The following PHACTR3 variants were observed in gnomAD, a reference collection of about 807,000 sequenced individuals.
PHACTR3 encodes the protein phosphatase and actin regulator 3.
PHACTR3 carries 16 observed loss-of-function variants against 66.8 expected under a neutral mutation model. The ratio of observed to expected loss-of-function variants is 0.24; its 90% CI spans 0.16 to 0.36. The LOEUF (loss-of-function observed/expected upper bound fraction) is 0.36, where lower values mean the gene tolerates loss of function less well. Ranked by LOEUF, PHACTR3 falls within the 10% of genes least tolerant of loss-of-function variation. PHACTR3 has a pLI of 1.00. For missense variants in PHACTR3, 647 were observed against 719.9 expected (o/e 0.90, Z 1.16); for synonymous variants, 323 against 292.1 (o/e 1.11, Z -1.08).
At chr20:59,585,788 A>G (rs17455968) in intron 1 of PHACTR3, among the ~76,000 whole-genome samples, 16,066 of 152,200 alleles carry the variant, frequency 0.11, 1,104 homozygotes, top group South Asian at 0.17. Context: ...GAGTTCCTTT[A>G]AGTACTGTCG....
chr20:59,807,282 C>G (rs988844215), intron 8 of PHACTR3, among the ~76,000 whole-genome samples: 4 of 152,062 alleles, frequency 2.6e-5, no homozygotes, highest in South Asian at 2.1e-4. Flanking sequence ...AATTTTTTAA[C>G]TTTTTAAATG....
chr20:59,774,204 AG>A, intron 6 of PHACTR3, 38 bp from the exon 7 acceptor site: 1 of 1,526,716 alleles, frequency 6.6e-7, no homozygotes, highest in Non-Finnish European at 8.8e-7. Flanking sequence ...TTCTGGGTGA[AG>A]GGGGTGACCT....
chr20:59,684,463 G>A (rs1287365746), intron 1 of PHACTR3, among the ~76,000 whole-genome samples: 1 of 152,168 alleles, frequency 6.6e-6, no homozygotes. Context: ...CTTTGTGGCT[G>A]GTCTGGAGAC....
chr20:59,720,145 A>G (rs816104), intron 1 of PHACTR3, among the ~76,000 whole-genome samples: 68,963 of 151,940 alleles, frequency 0.45, 15,837 homozygotes, highest in Middle Eastern at 0.52. Flanking sequence ...GCGGTGTGGC[A>G]CAGTGCTATC....
At chr20:59,679,292 G>A (rs1341960398) in intron 1 of PHACTR3, among the ~76,000 whole-genome samples, 1 of 152,146 alleles carries the variant, frequency 6.6e-6, no homozygotes. Flanking sequence ...GAAGCATCAC[G>A]ACTCAGACAA....
intron 2 of PHACTR3, among the ~76,000 whole-genome samples, chr20:59,745,800 T>C (rs1277747984): frequency 6.6e-6 from 1 of 152,218 alleles, no homozygotes; most frequent in African/African-American, 2.4e-5. Flanking sequence ...TTACACACTG[T>C]ACCACCTTCA....
chr20:59,611,952 G>C (rs914400718), intron 1 of PHACTR3, among the ~76,000 whole-genome samples: 3 of 152,180 alleles, frequency 2.0e-5, no homozygotes, highest in Non-Finnish European at 4.4e-5. Context: ...GTGCTTTTTA[G>C]GGGAGGGTGG....
chr20:59,771,666 C>T (rs918609342), intron 5 of PHACTR3, among the ~76,000 whole-genome samples: 1 of 152,146 alleles, frequency 6.6e-6, no homozygotes, highest in African/African-American at 2.4e-5. Flanking sequence ...ATCATCTGCT[C>T]TCTTTCTGTC....
intron 1 of PHACTR3, among the ~76,000 whole-genome samples, chr20:59,716,480 C>T (rs1167762802): frequency 2.0e-5 from 3 of 151,978 alleles, no homozygotes; most frequent in African/African-American, 7.3e-5. Context: ...CTTGAACTCC[C>T]AACCTCAGAT....
intron 4 of PHACTR3, among the ~76,000 whole-genome samples, chr20:59,762,248 G>A (rs376931664): frequency 6.6e-6 from 1 of 152,208 alleles, no homozygotes; most frequent in Non-Finnish European, 1.5e-5. Flanking sequence ...TGGCCATCAG[G>A]GTGAAGGGTG....
At chr20:59,751,902 C>T (rs1248981904) in intron 3 of PHACTR3, among the ~76,000 whole-genome samples, 1 of 152,138 alleles carries the variant, frequency 6.6e-6, no homozygotes, top group Non-Finnish European at 1.5e-5. Context: ...TCCCCTTCCC[C>T]AGCCCCCTTG....
chr20:59,831,520 C>T (rs1600736092), intron 8 of PHACTR3, among the ~76,000 whole-genome samples: 1 of 152,318 alleles, frequency 6.6e-6, no homozygotes, highest in East Asian at 1.9e-4. Flanking sequence ...CTCCAGGCGG[C>T]ACCAGGACGT....
At chr20:59,695,746 T>TC (rs1555815914) in intron 1 of PHACTR3, among the ~76,000 whole-genome samples, 14 of 151,760 alleles carry the variant, frequency 9.2e-5, no homozygotes, top group African/African-American at 3.4e-4. Flanking sequence ...TTTTTTTTTT[T>TC]ATTTGAGATG....
chr20:59,846,891 T>G (rs965138022), intron 12 of PHACTR3, among the ~76,000 whole-genome samples: 1 of 152,170 alleles, frequency 6.6e-6, no homozygotes, highest in African/African-American at 2.4e-5. Flanking sequence ...TAAAACTAAG[T>G]TCTAGATAGT....
intron 1 of PHACTR3, among the ~76,000 whole-genome samples, chr20:59,621,016 G>C (rs2034212866): frequency 6.6e-6 from 1 of 152,242 alleles, no homozygotes; most frequent in Non-Finnish European, 1.5e-5. Context: ...TGCTGGAACT[G>C]TCCCAGACGT....
chr20:59,794,238 C>CATATAAAA (rs2041190140), intron 7 of PHACTR3, among the ~76,000 whole-genome samples: 1 of 151,802 alleles, frequency 6.6e-6, no homozygotes, highest in Non-Finnish European at 1.5e-5. Flanking sequence ...TCATATATGG[C>CATATAAAA]CTTTATTATA....
chr20:59,656,018 G>T (rs1361940013), intron 1 of PHACTR3, among the ~76,000 whole-genome samples: 1 of 151,698 alleles, frequency 6.6e-6, no homozygotes, highest in Non-Finnish European at 1.5e-5. Context: ...TACTTTTTAT[G>T]ATTTCAATTA....
intron 4 of PHACTR3, among the ~76,000 whole-genome samples, chr20:59,761,192 C>T (rs116854105): frequency 7.2e-5 from 11 of 152,178 alleles, no homozygotes; most frequent in South Asian, 6.2e-4. Context: ...TCTAGTGGGC[C>T]GGTCCTGGGA....
At chr20:59,595,612 G>T (rs143289623) in intron 1 of PHACTR3, among the ~76,000 whole-genome samples, 1 of 152,158 alleles carries the variant, frequency 6.6e-6, no homozygotes, top group Non-Finnish European at 1.5e-5. Flanking sequence ...GATTGATGGT[G>T]CTGTTGAGTT....
Sources: gnomAD v4.1 joint callset for allele counts (sites outside exome capture counted in the v4.1 genomes callset) on GRCh38, gnomAD v4.1.1 for gene constraint, MANE v1.5 for transcripts, NCBI Gene and HGNC (gene_info 2026-07-23, HGNC 2026-07-21) for gene names.